Variants in HBP1 observed in about 807,000 individuals in gnomAD.
The protein encoded by HBP1 is HMG box-containing protein 1.
A neutral mutation model predicts 62.6 loss-of-function variants in HBP1; 20 were observed. The observed-to-expected ratio is 0.32, with a 90% CI of 0.22 to 0.46. The LOEUF is 0.46. Ranked by LOEUF, HBP1 falls within the 20% of genes least tolerant of loss-of-function variation. The probability of loss-of-function intolerance (pLI) is 1.00; values close to 1 mark genes in which losing one functional copy is unlikely to be tolerated. For missense variants in HBP1, 480 were observed against 611.8 expected (o/e 0.78, Z 2.27); for synonymous variants, 232 against 206.2 (o/e 1.12, Z -1.07).
In HBP1 at chr7:107,196,008, T is replaced by C. The variant is rs1267367820; in HGVS notation, c.1242T>C (p.Tyr414=). The change falls in exon 9 of 11, where the codon TAT becomes TAC. Residue 414 remains tyrosine (Y), a synonymous_variant. Coordinates refer to ENST00000222574, the MANE Select transcript of HBP1 (RefSeq NM_012257.4). ...GSSQLSSNSL[Y]AKAVKNHSSG... is the part of the protein sequence containing the mutation. ...CACAGCTCTCTTCCAATTCTTTGTA[T>C]GCTAAAGCTGTCAAAAACCACAGCT... is the stretch of plus-strand genomic sequence containing the variant. 2 of 1,614,154 alleles carry C rather than the reference T, an allele frequency of 1.2e-6. No homozygotes were observed. The highest frequency in any genetic ancestry group is 1.7e-5 in the Admixed American group (1 of 60,018).
chr7:107,174,387 G>A (rs999667299), intron 1 of HBP1: 2 of 754,028 alleles, frequency 2.7e-6, no homozygotes, highest in African/African-American at 3.8e-5. Context: ...GGTTCTTTTG[G>A]TTATTTATAG....
chr7:107,170,231 G>T, intron 1 of HBP1: 4 of 602,766 alleles, frequency 6.6e-6, no homozygotes, highest in Non-Finnish European at 6.2e-6. Context: ...ACTGGGAAGC[G>T]ATGGAGTCCT....
intron 1 of HBP1, chr7:107,169,883 C>T (rs1796471409): frequency 1.9e-5 from 19 of 985,438 alleles, no homozygotes; most frequent in Non-Finnish European, 2.2e-5. Context: ...CGGGAGGCAC[C>T]GCTCTGTGTG....
chr7:107,176,516 C>T (rs955713069), intron 1 of HBP1, among the ~76,000 whole-genome samples: 1 of 152,100 alleles, frequency 6.6e-6, no homozygotes, highest in African/African-American at 2.4e-5. Flanking sequence ...AATTTAGCAA[C>T]CATTTTTAGC....
chr7:107,193,235 CTA>C (rs1186567220), intron 8 of HBP1: 3 of 151,980 alleles, frequency 2.0e-5, no homozygotes, highest in Non-Finnish European at 4.4e-5. Flanking sequence ...TGAGTGCCTA[CTA>C]TATATATAAT....
intron 10 of HBP1, 30 bp downstream of exon 10, chr7:107,200,331 A>C (rs755389343): frequency 6.3e-7 from 1 of 1,591,914 alleles, no homozygotes; most frequent in East Asian, 2.2e-5. Flanking sequence ...GTTTAAAATT[A>C]TCTTGCCTTA....
chr7:107,194,104 T>G lies in HBP1; in HGVS notation c.1068-1730T>G, dbSNP rs201651646. ...GAATGAATGCTTACCTAAGGTAGTATAGCAAAAGATGAAGCTGTTTTTAAA... is the reference window on the plus strand; with the variant it reads ...GAATGAATGCTTACCTAAGGTAGTAGAGCAAAAGATGAAGCTGTTTTTAAA... On this transcript the variant is annotated intron_variant, in intron 8 of 10. Coordinates refer to ENST00000222574, the MANE Select transcript of HBP1 (RefSeq NM_012257.4). Among the ~76,000 whole-genome samples the G allele has an allele frequency of 1.2e-4, 18 of 152,220 alleles. No homozygotes were observed. The East Asian group carries it at 3.3e-3, about 28-fold the overall frequency.
In HBP1 at chr7:107,186,678, C is replaced by T. The variant is rs1562893499; in HGVS notation, c.762C>T (p.His254=). ...AGGAAGATCTTCAAATGGGCATTCA[C>T]AAGGTTGATTTAAAATTCTTAAAAA... The part of the protein sequence containing the change: ...DNEEDLQMGI[H]KGYGSDGLKL... Residue 254 remains histidine (H), a synonymous_variant, in exon 6 of 11, where the codon CAC becomes CAT. Coordinates refer to ENST00000222574, the MANE Select transcript of HBP1 (RefSeq NM_012257.4). 2 of 1,563,888 alleles carry T rather than the reference C, an allele frequency of 1.3e-6. No homozygotes were observed. The highest frequency in any genetic ancestry group is 1.7e-6 in the Non-Finnish European group (2 of 1,144,316).
Position 107,186,556 on chromosome 7 carries a change from A to G in HBP1, c.653-13A>G. ...GTCACGTGTCTAATACGTGTTTTCT[A>G]CCTAAACCTTAGGCACACGACTGTG... On this transcript the variant is annotated splice_polypyrimidine_tract_variant and intron_variant, in intron 5 of 10. Coordinates refer to ENST00000222574, the MANE Select transcript of HBP1 (RefSeq NM_012257.4). 6.3e-7 allele frequency: 1 copy of G among 1,592,994 alleles called. No homozygotes were observed. Among genetic ancestry groups the G allele is most frequent in the East Asian group, 2.2e-5 (1 of 44,786 alleles).
intron 1 of HBP1, among the ~76,000 whole-genome samples, chr7:107,171,792 A>C (rs1370907507): frequency 6.6e-6 from 1 of 150,458 alleles, no homozygotes; most frequent in Non-Finnish European, 1.5e-5. Flanking sequence ...CCCGGGAGGC[A>C]GAGATTGCAG....
chr7:107,175,002 C>T (rs1796765122), intron 1 of HBP1, among the ~76,000 whole-genome samples: 2 of 152,064 alleles, frequency 1.3e-5, no homozygotes, highest in Middle Eastern at 3.4e-3. Flanking sequence ...AAGGAATCTG[C>T]ACTGAGAACC....
intron 1 of HBP1, among the ~76,000 whole-genome samples, chr7:107,170,659 T>G (rs1796510771): frequency 6.6e-6 from 1 of 152,184 alleles, no homozygotes; most frequent in Admixed American, 6.5e-5. Context: ...CTTTCTCTAC[T>G]GATAAATTAT....
chr7:107,182,194 A>T (rs1022551222), intron 2 of HBP1, among the ~76,000 whole-genome samples, 179 bp from the exon 3 acceptor site: 2 of 152,190 alleles, frequency 1.3e-5, no homozygotes, highest in African/African-American at 4.8e-5. Context: ...GGGAATAAGA[A>T]GCAGAAAACA....
At chr7:107,195,340 A>G (rs1050760951) in intron 8 of HBP1, among the ~76,000 whole-genome samples, 1 of 152,184 alleles carries the variant, frequency 6.6e-6, no homozygotes, top group African/African-American at 2.4e-5. Flanking sequence ...CTTTAGCCAC[A>G]TTTAACAGCT....
In HBP1 at chr7:107,189,282, A is replaced by G. The variant is rs912907831; in HGVS notation, c.766-10A>G. On this transcript the variant is annotated splice_polypyrimidine_tract_variant and intron_variant, in intron 6 of 10. Transcript: ENST00000222574. ...TTTCCAATTCATTCACGCTATGCAT[A>G]TATTTTCAGGGCTATGGTTCTGATG... is the stretch of plus-strand genomic sequence containing the variant. 12 of 1,607,944 alleles carry G rather than the reference A, an allele frequency of 7.5e-6. No individual in the cohort carries two copies. Among genetic ancestry groups the G allele is most frequent in the Admixed American group, 3.3e-5 (2 of 59,750 alleles).
At chr7:107,175,866 G>GCCA (rs1796820301) in intron 1 of HBP1, among the ~76,000 whole-genome samples, 1 of 151,632 alleles carries the variant, frequency 6.6e-6, no homozygotes, top group African/African-American at 2.4e-5. Context: ...ACAGGCGCCC[G>GCCA]CCACCATGCC....
intron 1 of HBP1, among the ~76,000 whole-genome samples, chr7:107,171,656 G>A (rs1796601378): frequency 6.6e-6 from 1 of 151,922 alleles, no homozygotes; most frequent in African/African-American, 2.4e-5. Context: ...CTGAGGTCAG[G>A]GGTTCAAGAC....
At chr7:107,181,230 C>T (rs371904209) in intron 2 of HBP1, among the ~76,000 whole-genome samples, 6 of 152,172 alleles carry the variant, frequency 3.9e-5, no homozygotes, top group Admixed American at 1.3e-4. Flanking sequence ...CGCTAGTAAT[C>T]GCAGCACTTT....
intron 1 of HBP1, among the ~76,000 whole-genome samples, chr7:107,179,183 T>C (rs911733315): frequency 2.6e-5 from 4 of 152,112 alleles, no homozygotes; most frequent in Admixed American, 2.0e-4. Flanking sequence ...TTTTTAACTT[T>C]TATTAAGGAA....
Sources: allele counts gnomAD v4.1 joint callset (sites outside exome capture counted in the v4.1 genomes callset), GRCh38; gene constraint gnomAD v4.1.1; transcripts MANE v1.5; gene names NCBI Gene and HGNC (gene_info 2026-07-23, HGNC 2026-07-21).